ZBTB20: variants seen among roughly 807,000 people sequenced by gnomAD.
ZBTB20 encodes zinc finger and BTB domain containing 20, also known as zinc finger and BTB domain-containing protein 20.
ZBTB20 carries 9 observed loss-of-function variants against 56.9 expected under a neutral mutation model. That is an observed-to-expected ratio of 0.16 (90% CI 0.10 to 0.28). ZBTB20 has a LOEUF of 0.28. ZBTB20 is among the 10% of genes least tolerant of loss of function. The pLI is 1.00. For missense variants in ZBTB20, 655 were observed against 1,003.0 expected, an observed-to-expected ratio of 0.65 and a Z score of 4.69; for synonymous variants, 417 against 420.7, an observed-to-expected ratio of 0.99 and a Z score of 0.11.
chr3:114,466,619 G>A (rs1471526436), intron 7 of ZBTB20, among the ~76,000 whole-genome samples: 1 of 152,178 alleles, frequency 6.6e-6, no homozygotes. Context: ...AAGATACTAT[G>A]GCCTGGAAAA....
chr3:114,915,038 T>C (rs1019409324), intron 3 of ZBTB20, among the ~76,000 whole-genome samples: 2 of 144,606 alleles, frequency 1.4e-5, no homozygotes, highest in Middle Eastern at 3.5e-3. Flanking sequence ...TTTTCTTTTC[T>C]TTTTTTTTTT....
chr3:114,771,107 A>AT (rs969863879), intron 5 of ZBTB20, among the ~76,000 whole-genome samples: 4 of 151,918 alleles, frequency 2.6e-5, no homozygotes, highest in African/African-American at 7.3e-5. Context: ...TCAGAACTCT[A>AT]TTTTTTTTCA....
intron 6 of ZBTB20, among the ~76,000 whole-genome samples, chr3:114,556,994 G>A (rs1411678037): frequency 1.3e-5 from 2 of 151,990 alleles, no homozygotes; most frequent in African/African-American, 4.8e-5. Context: ...TGCATACAAA[G>A]GGGCACTGTG....
intron 5 of ZBTB20, among the ~76,000 whole-genome samples, chr3:114,750,191 A>G (rs1458628082): frequency 6.6e-6 from 1 of 152,232 alleles, no homozygotes; most frequent in African/African-American, 2.4e-5. Context: ...GATAAGAGTG[A>G]CATTTAAAAA....
At chr3:114,772,197 C>T (rs537701131) in intron 5 of ZBTB20, among the ~76,000 whole-genome samples, 81 of 152,002 alleles carry the variant, frequency 5.3e-4, no homozygotes, top group Non-Finnish European at 9.3e-4. Context: ...AAAAAGTAAC[C>T]GGGCATGGTG....
intron 3 of ZBTB20, among the ~76,000 whole-genome samples, chr3:114,917,195 C>T (rs1321397495): frequency 1.3e-5 from 2 of 152,136 alleles, no homozygotes; most frequent in African/African-American, 4.8e-5. Flanking sequence ...GCATTTTTCA[C>T]CTCCAGAATT....
chr3:114,614,766 T>TTTGC (rs1216279064), intron 6 of ZBTB20, among the ~76,000 whole-genome samples: 34 of 138,362 alleles, frequency 2.5e-4, no homozygotes, highest in African/African-American at 8.4e-4. Context: ...TGTTTGTTTG[T>TTTGC]TTTGAGACGG....
chr3:114,605,642 T>A (rs2057084892), intron 6 of ZBTB20, among the ~76,000 whole-genome samples: 1 of 152,136 alleles, frequency 6.6e-6, no homozygotes, highest in Admixed American at 6.5e-5. Context: ...ACAGGGTGAA[T>A]AACCTGCTGT....
At chr3:114,516,705 C>CT (rs1325229012) in intron 6 of ZBTB20, among the ~76,000 whole-genome samples, 1 of 152,122 alleles carries the variant, frequency 6.6e-6, no homozygotes, top group Non-Finnish European at 1.5e-5. Context: ...AAAAGAGAAA[C>CT]TTAAACACAG....
At chr3:115,002,056 C>T (rs2079273037) in intron 2 of ZBTB20, among the ~76,000 whole-genome samples, 1 of 151,482 alleles carries the variant, frequency 6.6e-6, no homozygotes, top group Non-Finnish European at 1.5e-5. Flanking sequence ...ATCAATGGAA[C>T]AGAAGAGAGA....
At chr3:114,393,623 A>T (rs1439915171) in intron 7 of ZBTB20, among the ~76,000 whole-genome samples, 3 of 152,202 alleles carry the variant, frequency 2.0e-5, no homozygotes, top group South Asian at 4.1e-4. Context: ...TCTAAAAAAG[A>T]TTCGGTGAGA....
At chr3:115,007,526 C>G (rs577336348) in intron 2 of ZBTB20, among the ~76,000 whole-genome samples, 1 of 151,774 alleles carries the variant, frequency 6.6e-6, no homozygotes, top group Non-Finnish European at 1.5e-5. Flanking sequence ...CACTTATATG[C>G]TCAACTTTTT....
chr3:114,440,900 TA>T (rs2090875853), intron 7 of ZBTB20, among the ~76,000 whole-genome samples: 1 of 152,216 alleles, frequency 6.6e-6, no homozygotes, highest in Non-Finnish European at 1.5e-5. Flanking sequence ...AACTATTCTC[TA>T]CATTAGGGCT....
chr3:114,950,209 CA>C (rs2077019592), intron 3 of ZBTB20, among the ~76,000 whole-genome samples: 1 of 152,130 alleles, frequency 6.6e-6, no homozygotes, highest in Admixed American at 6.5e-5. Context: ...AAATAGTACC[CA>C]ATCCTACAAA....
intron 3 of ZBTB20, among the ~76,000 whole-genome samples, chr3:114,925,214 C>A (rs1265986615): frequency 1.3e-5 from 2 of 151,910 alleles, no homozygotes; most frequent in African/African-American, 4.8e-5. Flanking sequence ...GATCTCTTGA[C>A]CCTGTGATCC....
chr3:114,324,262 A>C lies in ZBTB20; in HGVS notation c.*14743T>G, dbSNP rs984670965. The C allele has an allele frequency of 1.3e-5, 2 of 152,220 alleles. No individual in the cohort carries two copies. The highest frequency in any genetic ancestry group is 2.9e-5 in the Non-Finnish European group (2 of 68,022). 9.4% of individuals were successfully genotyped at this position (152,220 alleles called of 1,614,324 possible). On this transcript the variant is annotated 3_prime_UTR_variant, in exon 12 of 12. Coordinates refer to ENST00000675478, the MANE Select transcript of ZBTB20 (RefSeq NM_001348800.3). ...TGGTTTTTACTTAATAGTTTTCATC[A>C]TGTCAGATGGCTCTAATGCTAAGGG...
rs1186290591 is a variant in ZBTB20, at chr3:114,350,583, C to T, written c.1495G>A (p.Val499Ile). ...TAGGTGTTGCCAGCTGTGCCAATGACCTGCGTGTTGCTGGTCAAGGTCAGA... is the reference window on the plus strand; with the variant it reads ...TAGGTGTTGCCAGCTGTGCCAATGATCTGCGTGTTGCTGGTCAAGGTCAGA... ...MPLTLTSNTQ[V>I]IGTAGNTYLP... Residue 499 changes from valine (V) to isoleucine (I), a missense_variant, in exon 11 of 12, where the codon GTC (valine) becomes ATC (isoleucine). Val to Ile is a conservative substitution (Grantham distance 29). Coordinates refer to ENST00000675478, the MANE Select transcript of ZBTB20 (RefSeq NM_001348800.3). The T allele has an allele frequency of 6.2e-7, 1 of 1,614,162 alleles. No homozygotes were observed. The highest frequency in any genetic ancestry group is 1.7e-5 in the Admixed American group (1 of 60,026).
At chr3:114,975,114 T>A (rs2078043347) in intron 2 of ZBTB20, among the ~76,000 whole-genome samples, 1 of 152,168 alleles carries the variant, frequency 6.6e-6, no homozygotes, top group East Asian at 1.9e-4. Flanking sequence ...TAAATTTCTT[T>A]AGTAAAGAAT....
At chr3:114,425,310 C>G (rs987253778) in intron 7 of ZBTB20, among the ~76,000 whole-genome samples, 2 of 152,250 alleles carry the variant, frequency 1.3e-5, no homozygotes, top group South Asian at 4.2e-4. Flanking sequence ...GGACAAGTCC[C>G]CCACTGAGGC....
Sources: gnomAD v4.1 joint callset for allele counts (sites outside exome capture counted in the v4.1 genomes callset) on GRCh38, gnomAD v4.1.1 for gene constraint, MANE v1.5 for transcripts, NCBI Gene and HGNC (gene_info 2026-07-23, HGNC 2026-07-21) for gene names.